The following IL1RAP variants were observed in gnomAD, a reference collection of about 807,000 sequenced individuals.
IL1RAP encodes the protein interleukin 1 receptor accessory protein.
A neutral mutation model predicts 60.7 loss-of-function variants in IL1RAP; 35 were observed. The ratio of observed to expected loss-of-function variants is 0.58; its 90% CI spans 0.44 to 0.76. The LOEUF (loss-of-function observed/expected upper bound fraction) is 0.76. Ranked by LOEUF, IL1RAP falls within the 30% of genes least tolerant of loss-of-function variation. The pLI, the probability that IL1RAP is intolerant of heterozygous loss-of-function variation, is 0.00. For synonymous variants in IL1RAP, 268 were observed against 250.9 expected, an observed-to-expected ratio of 1.07 and a Z score of -0.64; for missense variants, 572 against 693.9, an observed-to-expected ratio of 0.82 and a Z score of 1.97.
intron 3 of IL1RAP, among the ~76,000 whole-genome samples, chr3:190,597,498 C>A (rs942019699): frequency 6.6e-6 from 1 of 152,140 alleles, no homozygotes; most frequent in African/African-American, 2.4e-5. Flanking sequence ...TCCTGTGATG[C>A]TACCTTTTCA....
In IL1RAP at chr3:190,645,752, G is replaced by C; in HGVS notation, c.1255G>C (p.Glu419Gln). The C allele has an allele frequency of 1.2e-6, 2 of 1,613,024 alleles. No homozygotes were observed. Among genetic ancestry groups the C allele is most frequent in the Admixed American group, 3.3e-5 (2 of 59,990 alleles). Residue 419 changes from glutamate to glutamine, a missense_variant, in exon 11 of 12, where the codon GAA becomes CAA. Transcript: ENST00000447382. The stretch of plus-strand genomic sequence containing the variant: ...CTATGCAAGGAATGCGGAAGAAGAA[G>C]AATTTGTATTACTGACCCTCCGTGG... ...VSYARNAEEE[E>Q]FVLLTLRGVL...
chr3:190,658,659 C>A (rs559991920), exon 12 of IL1RAP: 1 of 152,126 alleles, frequency 6.6e-6, no homozygotes, highest in South Asian at 2.1e-4. Flanking sequence ...GAGTTGTGGC[C>A]CAATGAGTGT....
At chr3:190,616,698 C>A (rs544675059) in intron 5 of IL1RAP, among the ~76,000 whole-genome samples, 1 of 152,262 alleles carries the variant, frequency 6.6e-6, no homozygotes, top group East Asian at 1.9e-4. Context: ...CCTTTCCATC[C>A]TACAACCCAC....
chr3:190,648,333 C>A lies in IL1RAP; in HGVS notation c.1346-5C>A, dbSNP rs1380006852. 6 of 1,569,468 alleles carry A rather than the reference C, an allele frequency of 3.8e-6. No homozygotes were observed. In the African/African-American group the frequency reaches 6.9e-5, roughly 18 times the overall value. On this transcript the variant is annotated splice_region_variant and splice_polypyrimidine_tract_variant and intron_variant, in intron 11 of 11. Transcript: ENST00000447382. ...ACTAATCCCCATGGTTGTTTTCTTT[C>A]CCAGTTGTCACAGATGAGACTTTGA... is the stretch of plus-strand genomic sequence containing the variant.
At position 190,645,233 on chromosome 3, in the gene IL1RAP, C is replaced by A. The variant is rs1221014826; in HGVS notation, c.1202-466C>A. 2.0e-5 allele frequency among the ~76,000 whole-genome samples: 3 copies of A among 152,184 alleles called. No homozygotes were observed. The East Asian group carries it at 5.8e-4, about 29-fold the overall frequency. ...ATGAGATGTGATTTTTCTAATTAAG[C>A]AACTTCGTGAAAGATTGGTCCATTA... On this transcript the variant is annotated intron_variant, in intron 10 of 11. Transcript: ENST00000447382.
chr3:190,585,531 G>C (rs537736805), intron 3 of IL1RAP, among the ~76,000 whole-genome samples: 16 of 152,132 alleles, frequency 1.1e-4, no homozygotes, highest in Non-Finnish European at 2.4e-4. Flanking sequence ...GTCACTTTAG[G>C]CTGGGCATGG....
intron 1 of IL1RAP, among the ~76,000 whole-genome samples, chr3:190,517,417 A>G (rs940822082): frequency 6.6e-6 from 1 of 152,188 alleles, no homozygotes; most frequent in Non-Finnish European, 1.5e-5. Context: ...GGTACTGAGT[A>G]GAGTAGACAG....
chr3:190,655,561 G>A (rs1462333532), downstream of IL1RAP, among the ~76,000 whole-genome samples: 6 of 87,938 alleles, frequency 6.8e-5, no homozygotes, highest in African/African-American at 3.8e-4. Flanking sequence ...TGCCCACCGT[G>A]TGTGTGTGTG....
chr3:190,567,149 G>A lies in IL1RAP; in HGVS notation c.64+2796G>A, dbSNP rs185749247. 4.2e-4 allele frequency among the ~76,000 whole-genome samples: 64 copies of A among 152,288 alleles called. No individual in the cohort carries two copies. The East Asian group carries it at 0.01, about 25-fold the overall frequency. ...TGTTTTCACACGCAGTGAACTGGCC[G>A]TGAAGTCATACGATTCTGACTTCCG... On this transcript the variant is annotated intron_variant, in intron 3 of 11. Coordinates refer to ENST00000447382, the MANE Select transcript of IL1RAP (RefSeq NM_002182.4).
In IL1RAP at chr3:190,651,279, A is replaced by G. The variant is rs1223328841; in HGVS notation, c.*2574A>G. On this transcript the variant is annotated 3_prime_UTR_variant, in exon 12 of 12. Coordinates refer to ENST00000447382, the MANE Select transcript of IL1RAP (RefSeq NM_002182.4). ...CTAATTACAAAATCATATACGATTT[A>G]TTTAATTCTCTTCTGTATTGTAACT... 1 of 957,002 alleles carries G rather than the reference A, an allele frequency of 1.0e-6. No homozygotes were observed. The highest frequency in any genetic ancestry group is 1.2e-6 in the Non-Finnish European group (1 of 804,110). The allele number at this position is 957,002 out of a possible 1,614,324, so 59.3% of individuals were successfully genotyped here. A position where few individuals can be genotyped will look rare whatever the true frequency, so the allele number is the denominator to read the frequency against.
chr3:190,632,994 A>G (rs1732915083), intron 9 of IL1RAP, among the ~76,000 whole-genome samples: 1 of 152,212 alleles, frequency 6.6e-6, no homozygotes, highest in Non-Finnish European at 1.5e-5. Context: ...ATAGTTTTAA[A>G]ATTTAAAGTA....
At chr3:190,637,878 C>T (rs181992810) in intron 9 of IL1RAP, among the ~76,000 whole-genome samples, 5 of 151,996 alleles carry the variant, frequency 3.3e-5, no homozygotes, top group Non-Finnish European at 7.4e-5. Context: ...TGGACCCATA[C>T]AGAATGCGCT....
At chr3:190,640,289 G>A (rs181767383) in intron 9 of IL1RAP, among the ~76,000 whole-genome samples, 54 of 152,236 alleles carry the variant, frequency 3.5e-4, no homozygotes, top group African/African-American at 1.2e-3. Flanking sequence ...ACATTCCTGT[G>A]TTACCAGTTG....
rs9852826 is a variant in IL1RAP, at chr3:190,522,455, C to A, written c.-89+8236C>A. 1.0e-3 allele frequency among the ~76,000 whole-genome samples: 153 copies of A among 149,584 alleles called. 2 individuals carry two copies. Among genetic ancestry groups the A allele is most frequent in the African/African-American group, 3.5e-3 (142 of 40,382 alleles). Reference sequence around the variant, plus strand: ...TCTATCTATCTATCTATCTATCTATCTATCTATCTCTATTTATTAATAAGG... The same window carrying A: ...TCTATCTATCTATCTATCTATCTATATATCTATCTCTATTTATTAATAAGG... On this transcript the variant is annotated intron_variant, in intron 1 of 11. Coordinates refer to ENST00000447382, the MANE Select transcript of IL1RAP (RefSeq NM_002182.4).
rs1263564460 is a variant in IL1RAP, at chr3:190,651,373, A to C, written c.*2668A>C. 6 of 823,076 alleles carry C rather than the reference A, an allele frequency of 7.3e-6. No homozygotes were observed. The highest frequency in any genetic ancestry group is 8.8e-6 in the Non-Finnish European group (6 of 682,156). The allele number at this position is 823,076 out of a possible 1,614,324, so 51.0% of individuals were successfully genotyped here. A position where few individuals can be genotyped will look rare whatever the true frequency, so the allele number is the denominator to read the frequency against. On this transcript the variant is annotated 3_prime_UTR_variant, in exon 12 of 12. Transcript: ENST00000447382. ...TTTGGAAACAAAAACATCATTCATT[A>C]ATTACTTATTTTCTTTCCATAGGTT...
intron 3 of IL1RAP, among the ~76,000 whole-genome samples, chr3:190,584,129 A>T (rs1218236347): frequency 6.6e-6 from 1 of 152,222 alleles, no homozygotes; most frequent in African/African-American, 2.4e-5. Flanking sequence ...TCAGATAGAT[A>T]GAATTGTACT....
downstream of IL1RAP, chr3:190,656,182 A>C (rs1048697086): frequency 7.2e-6 from 11 of 1,537,156 alleles, no homozygotes; most frequent in African/African-American, 1.4e-4. Flanking sequence ...TCTTCCCCTG[A>C]GAAGTCTGAG....
intron 1 of IL1RAP, among the ~76,000 whole-genome samples, chr3:190,534,942 A>G (rs1383508132): frequency 6.6e-6 from 1 of 151,392 alleles, no homozygotes; most frequent in African/African-American, 2.4e-5. Flanking sequence ...AAAGAAAACC[A>G]GCAAAGTGAA....
chr3:190,592,004 C>T (rs1728983046), intron 3 of IL1RAP, among the ~76,000 whole-genome samples: 1 of 152,116 alleles, frequency 6.6e-6, no homozygotes, highest in Non-Finnish European at 1.5e-5. Context: ...GAAGCATACT[C>T]AGAATTCGTT....
Sources: allele counts gnomAD v4.1 joint callset (sites outside exome capture counted in the v4.1 genomes callset), GRCh38; gene constraint gnomAD v4.1.1; transcripts MANE v1.5; gene names NCBI Gene and HGNC (gene_info 2026-07-23, HGNC 2026-07-21).